Variants in CTNNA2 observed in about 807,000 individuals in gnomAD.
The protein encoded by CTNNA2 is catenin alpha 2, also known as catenin alpha-2.
A neutral mutation model predicts 101.0 loss-of-function variants in CTNNA2; 42 were observed. The ratio of observed to expected loss-of-function variants is 0.42; its 90% CI spans 0.32 to 0.54. CTNNA2 has a LOEUF of 0.54. Among genes scored for constraint, CTNNA2 ranks in the 20% least tolerant of loss-of-function variants. CTNNA2 has a pLI of 0.14. For missense variants in CTNNA2, 871 were observed against 1,223.1 expected (o/e 0.71, Z 4.29); for synonymous variants, 450 against 456.4 (o/e 0.99, Z 0.18).
intron 3 of CTNNA2, among the ~76,000 whole-genome samples, chr2:79,806,519 C>A (rs1455208463): frequency 6.6e-6 from 1 of 152,102 alleles, no homozygotes; most frequent in East Asian, 1.9e-4. Flanking sequence ...CCAACTTCTG[C>A]CCTACCCTGT....
chr2:79,638,381 T>A (rs1680221873), intron 1 of CTNNA2, among the ~76,000 whole-genome samples: 1 of 152,326 alleles, frequency 6.6e-6, no homozygotes, highest in Middle Eastern at 3.4e-3. Flanking sequence ...TTTTTACATA[T>A]GATTTTCTGT....
chr2:79,443,793 G>A (rs1440197390), intron 4 of CTNNA2, among the ~76,000 whole-genome samples: 2 of 152,014 alleles, frequency 1.3e-5, no homozygotes, highest in South Asian at 4.1e-4. Flanking sequence ...CTGATATTAT[G>A]TAAGGCTTTC....
rs144335260 is a variant in CTNNA2 at position 79,443,080 on chromosome 2, C to T, written c.-134-61974C>T. 2.4e-4 allele frequency among the ~76,000 whole-genome samples: 37 copies of T among 152,190 alleles called. 1 individual carries two copies. In the East Asian group the frequency reaches 6.4e-3, roughly 26 times the overall value. On this transcript the variant is annotated intron_variant, in intron 4 of 21. Coordinates refer to the CTNNA2 transcript ENST00000466387. ...TATATGTTCTATTGGCTCATCTCCT[C>T]TAATTTGCATAATAATCACAATTCT...
chr2:80,111,739 A>G, intron 7 of CTNNA2, among the ~76,000 whole-genome samples: 1 of 152,110 alleles, frequency 6.6e-6, no homozygotes, highest in East Asian at 1.9e-4. Context: ...ATGGGGTCAC[A>G]ATATGTTGCC....
intron 2 of CTNNA2, among the ~76,000 whole-genome samples, chr2:79,254,334 C>T (rs1674811469): frequency 6.6e-6 from 1 of 152,130 alleles, no homozygotes; most frequent in African/African-American, 2.4e-5. Context: ...GGAGGTGGGG[C>T]TGGTGGGAAG....
At chr2:79,580,721 A>G (rs1558746366) in intron 1 of CTNNA2, among the ~76,000 whole-genome samples, 1 of 152,226 alleles carries the variant, frequency 6.6e-6, no homozygotes, top group Non-Finnish European at 1.5e-5. Flanking sequence ...AAGACAAGTG[A>G]TCCTTAGTAA....
intron 7 of CTNNA2, among the ~76,000 whole-genome samples, chr2:80,080,969 A>G (rs1041360509): frequency 1.3e-5 from 2 of 150,296 alleles, no homozygotes; most frequent in Non-Finnish European, 1.5e-5. Context: ...AAAAAAAAAA[A>G]AAAGAAATGC....
Position 80,302,899 on chromosome 2 carries a change from T to C in CTNNA2, c.1057-90312T>C. On this transcript the variant is annotated intron_variant, in intron 7 of 18. Coordinates refer to ENST00000402739, the MANE Select transcript of CTNNA2 (RefSeq NM_001282597.3). The surrounding 1 kb of genome is among the most constrained non-coding windows in gnomAD (Gnocchi z 6.4). ...ACAGGTTCCCGGCCAGGGTGATGCTTGTCAGGGACTTCCAAGAGTTGAGGA... is the reference window on the plus strand; with the variant it reads ...ACAGGTTCCCGGCCAGGGTGATGCTCGTCAGGGACTTCCAAGAGTTGAGGA... 1.2e-6 allele frequency: 2 copies of C among 1,614,086 alleles called. No homozygotes were observed. Among genetic ancestry groups the C allele is most frequent in the Non-Finnish European group, 1.7e-6 (2 of 1,180,010 alleles).
intron 4 of CTNNA2, among the ~76,000 whole-genome samples, chr2:79,481,847 A>G (rs999657588): frequency 1.3e-5 from 2 of 152,174 alleles, no homozygotes; most frequent in African/African-American, 4.8e-5. Context: ...AAGGCCTTCA[A>G]CTCCAGAGTG....
At chr2:80,132,352 T>C (rs1341645366) in intron 7 of CTNNA2, among the ~76,000 whole-genome samples, 1 of 152,130 alleles carries the variant, frequency 6.6e-6, no homozygotes, top group Non-Finnish European at 1.5e-5. Flanking sequence ...CTGGTCTCCA[T>C]CTGTTTCAAA....
intron 1 of CTNNA2, among the ~76,000 whole-genome samples, chr2:79,552,239 C>T (rs560742777): frequency 2.0e-5 from 3 of 152,284 alleles, no homozygotes. Context: ...AGGCCCCATG[C>T]AAGTCTGAAA....
intron 9 of CTNNA2, among the ~76,000 whole-genome samples, chr2:80,514,727 T>A (rs1158964481): frequency 6.6e-6 from 1 of 152,066 alleles, no homozygotes; most frequent in Admixed American, 6.6e-5. Context: ...CCCTCTGAAG[T>A]CAAGTCACCT....
intron 7 of CTNNA2, among the ~76,000 whole-genome samples, chr2:80,266,333 C>A (rs1323478723): frequency 1.3e-5 from 2 of 152,240 alleles, no homozygotes; most frequent in African/African-American, 4.8e-5. Flanking sequence ...TGGCCAATGC[C>A]ATCGCCCACA....
At chr2:80,565,057 T>G (rs1693933916) in intron 12 of CTNNA2, among the ~76,000 whole-genome samples, 1 of 152,176 alleles carries the variant, frequency 6.6e-6, no homozygotes, top group African/African-American at 2.4e-5. Flanking sequence ...ATTAAAGTGG[T>G]GTAAATATGA....
chr2:79,835,683 T>TTTTTTTTGTTTGTTTG (rs1679297592), intron 3 of CTNNA2, among the ~76,000 whole-genome samples: 4 of 129,668 alleles, frequency 3.1e-5, no homozygotes, highest in African/African-American at 1.2e-4. Context: ...TTTTTTTTTT[T>TTTTTTTTGTTTGTTTG]TTTTTTTTTT....
intron 7 of CTNNA2, among the ~76,000 whole-genome samples, chr2:79,937,072 T>C (rs1454215265): frequency 6.6e-6 from 1 of 152,210 alleles, no homozygotes; most frequent in Non-Finnish European, 1.5e-5. Flanking sequence ...CCCTTCTTAT[T>C]AAATATTCTT....
At chr2:79,246,928 G>A (rs937382471) in intron 2 of CTNNA2, among the ~76,000 whole-genome samples, 5 of 152,230 alleles carry the variant, frequency 3.3e-5, no homozygotes, top group Non-Finnish European at 7.3e-5. Flanking sequence ...ATAGTTGGAC[G>A]TCTTAATTTA....
At chr2:79,665,777 A>G (rs1041464549) in intron 2 of CTNNA2, among the ~76,000 whole-genome samples, 1 of 152,232 alleles carries the variant, frequency 6.6e-6, no homozygotes, top group Non-Finnish European at 1.5e-5. Context: ...TAGAAAAAGG[A>G]AAGAGTAGGA....
intron 9 of CTNNA2, among the ~76,000 whole-genome samples, chr2:80,513,021 C>T (rs1688832928): frequency 6.6e-6 from 1 of 152,118 alleles, no homozygotes; most frequent in African/African-American, 2.4e-5. Context: ...TTTCCCTTAA[C>T]ATTTTGTGTT....
Sources: gnomAD v4.1 joint callset for allele counts (sites outside exome capture counted in the v4.1 genomes callset) on GRCh38, gnomAD v4.1.1 for gene constraint, Gnocchi (gnomAD v3.1) non-coding constraint, MANE v1.5 for transcripts, NCBI Gene and HGNC (gene_info 2026-07-23, HGNC 2026-07-21) for gene names.